Variants in ABHD16B observed in about 807,000 individuals in gnomAD.
ABHD16B encodes the protein abhydrolase domain containing 16B.
A neutral mutation model predicts 10.5 loss-of-function variants in ABHD16B; 14 were observed. The ratio of observed to expected loss-of-function variants is 1.33; its 90% CI spans 0.88 to 2.08. The LOEUF (loss-of-function observed/expected upper bound fraction) is 2.08. ABHD16B is among the 30% of genes most tolerant of loss of function. The pLI is 0.00. For synonymous variants in ABHD16B, 374 were observed against 337.9 expected, an observed-to-expected ratio of 1.11 and a Z score of -1.17; for missense variants, 763 against 717.4, an observed-to-expected ratio of 1.06 and a Z score of -0.73.
Position 63,862,786 on chromosome 20 carries a change from G to C in ABHD16B, c.1246G>C (p.Gly416Arg). 1 of 1,533,578 alleles carries C rather than the reference G, an allele frequency of 6.5e-7. No individual in the cohort carries two copies. The highest frequency in any genetic ancestry group is 8.7e-7 in the Non-Finnish European group (1 of 1,144,304). 95.0% of individuals were successfully genotyped at this position (1,533,578 alleles called of 1,614,324 possible). ...GGAGCTGGAGGGCGAGGAGGCCCTG[G>C]GGCCACACGGACCCGCCTTCCCATG... The part of the protein sequence containing the change: ...EEELEGEEAL[G>R]PHGPAFPWLV... Residue 416 changes from glycine (G) to arginine (R), a missense_variant, in exon 1 of 1, where the codon GGG (glycine) becomes CGG (arginine). Physicochemically the swap from Gly to Arg is moderately radical, Grantham distance 125. Transcript: ENST00000369916. The surrounding 1 kb of genome is among the most constrained non-coding windows in gnomAD (Gnocchi z 7.5).
Position 63,861,695 on chromosome 20 carries a change from G to C in ABHD16B, c.155G>C (p.Cys52Ser). 1.3e-6 allele frequency: 2 copies of C among 1,489,480 alleles called. No homozygotes were observed. The highest frequency in any genetic ancestry group is 1.8e-6 in the Non-Finnish European group (2 of 1,127,054). The allele number at this position is 1,489,480 out of a possible 1,614,324, so 92.3% of individuals were successfully genotyped here. The part of the protein sequence containing the change: ...GRSSSHRALT[C>S]AAAAAGVWLL... Reference sequence around the variant, plus strand: ...AGCAGCAGCCACCGGGCGCTGACCTGCGCGGCAGCCGCGGCGGGCGTGTGG... The same window carrying C: ...AGCAGCAGCCACCGGGCGCTGACCTCCGCGGCAGCCGCGGCGGGCGTGTGG... Residue 52 changes from cysteine to serine, a missense_variant, in exon 1 of 1, where the codon TGC becomes TCC. By Grantham distance (112) the Cys-to-Ser change is moderately radical. Transcript: ENST00000369916. This position sits in a 1 kb window ranked among gnomAD's most constrained non-coding sequence, Gnocchi z 5.4.
chr20:63,862,150 C>T lies in ABHD16B; in HGVS notation c.610C>T (p.His204Tyr), dbSNP rs1199278047. 2.5e-6 allele frequency: 4 copies of T among 1,611,610 alleles called. No homozygotes were observed. The highest frequency in any genetic ancestry group is 3.4e-6 in the Non-Finnish European group (4 of 1,179,666). ...EAGYSVLGWN[H>Y]PGFGSSTGVP... ...CGGCTACTCCGTGCTGGGCTGGAACCACCCCGGCTTCGGCAGCAGCACTGG... is the reference window on the plus strand; with the variant it reads ...CGGCTACTCCGTGCTGGGCTGGAACTACCCCGGCTTCGGCAGCAGCACTGG... Residue 204 changes from histidine to tyrosine, a missense_variant, in exon 1 of 1, where the codon CAC becomes TAC. Coordinates refer to ENST00000369916, the MANE Select transcript of ABHD16B (RefSeq NM_080622.4). The surrounding 1 kb of genome is among the most constrained non-coding windows in gnomAD (Gnocchi z 7.5).
rs982858675 is a variant in ABHD16B at position 63,862,690 on chromosome 20, T to C, written c.1150T>C (p.Tyr384His). ...CAGCTTGGCGCAGGAGGCCGCCTTC[T>C]ATGCACGCTACCGCGTGGACGAGGA... Reference protein sequence around the residue: ...AGSLAQEAAFYARYRVDEDWC... With the variant: ...AGSLAQEAAFHARYRVDEDWC... Residue 384 changes from tyrosine (Y) to histidine (H), a missense_variant, in exon 1 of 1, where the codon TAT (tyrosine) becomes CAT (histidine). Physicochemically the swap from Tyr to His is moderately conservative, Grantham distance 83. Coordinates refer to ENST00000369916, the MANE Select transcript of ABHD16B (RefSeq NM_080622.4). The surrounding 1 kb of genome is among the most constrained non-coding windows in gnomAD (Gnocchi z 7.5). 4 of 1,535,010 alleles carry C rather than the reference T, an allele frequency of 2.6e-6. No homozygotes were observed. In the Admixed American group the frequency reaches 7.9e-5, roughly 30 times the overall value.
rs369503558 is a variant in ABHD16B, at chr20:63,862,298, C to G, written c.758C>G (p.Ala253Gly). 2.5e-6 allele frequency: 4 copies of G among 1,611,652 alleles called. No individual in the cohort carries two copies. In the African/African-American group the frequency reaches 5.3e-5, roughly 22 times the overall value. Residue 253 changes from alanine to glycine, a missense_variant, in exon 1 of 1, where the codon GCC becomes GGC. By Grantham distance (60) the Ala-to-Gly change is moderately conservative. Coordinates refer to ENST00000369916, the MANE Select transcript of ABHD16B (RefSeq NM_080622.4). This position sits in a 1 kb window ranked among gnomAD's most constrained non-coding sequence, Gnocchi z 7.5. The part of the protein sequence containing the change: ...VYGWSVGGFT[A>G]TWATMTYPEL... ...GGCTGGTCTGTTGGCGGCTTCACGG[C>G]CACCTGGGCCACCATGACCTACCCG... is the stretch of plus-strand genomic sequence containing the variant.
rs1365493840 is a variant in ABHD16B at position 63,861,656 on chromosome 20, G to A, written c.116G>A (p.Arg39His). ...WPVAFRWDDVRAVGRSSSHRA... is the reference protein window; with the variant it reads ...WPVAFRWDDVHAVGRSSSHRA... ...GTGGCCTTCCGCTGGGATGACGTGC[G>A]CGCCGTGGGCCGGAGCAGCAGCCAC... Residue 39 changes from arginine to histidine, a missense_variant, in exon 1 of 1, where the codon CGC (arginine) becomes CAC (histidine). By Grantham distance (29) the Arg-to-His change is conservative. Transcript: ENST00000369916. The surrounding 1 kb of genome is among the most constrained non-coding windows in gnomAD (Gnocchi z 5.4). 2 of 1,540,662 alleles carry A rather than the reference G, an allele frequency of 1.3e-6. No homozygotes were observed. The highest frequency in any genetic ancestry group is 1.4e-5 in the African/African-American group (1 of 72,868).
rs750156703 is a variant in ABHD16B, at chr20:63,862,919, C to T, written c.1379C>T (p.Pro460Leu). ...VEATHFSPLE[P>L]EEFQLPWRL ...GCGACTCACTTCAGCCCTCTGGAGC[C>T]TGAGGAGTTTCAGTTGCCCTGGCGG... Residue 460 changes from proline to leucine, a missense_variant, in exon 1 of 1, where the codon CCT becomes CTT. Coordinates refer to ENST00000369916, the MANE Select transcript of ABHD16B (RefSeq NM_080622.4). The surrounding 1 kb of genome is among the most constrained non-coding windows in gnomAD (Gnocchi z 7.5). The T allele has an allele frequency of 1.3e-6, 2 of 1,500,788 alleles. No individual in the cohort carries two copies. The highest frequency in any genetic ancestry group is 2.5e-5 in the East Asian group (1 of 39,874). 93.0% of individuals were successfully genotyped at this position (1,500,788 alleles called of 1,614,324 possible). A position where few individuals can be genotyped will look rare whatever the true frequency, so the allele number is the denominator to read the frequency against.
Position 63,861,879 on chromosome 20 carries a change from C to G in ABHD16B, c.339C>G (p.Pro113=), listed in dbSNP as rs775337797. 4.1e-5 allele frequency: 65 copies of G among 1,575,526 alleles called. No homozygotes were observed. Among genetic ancestry groups the G allele is most frequent in the Non-Finnish European group, 5.5e-5 (64 of 1,167,970 alleles). Reference sequence around the variant, plus strand: ...CGCTGGGCCGCTGGCTCGTGTACCCCGGCTCCGTGTCCCTGATGACGCGCG... The same window carrying G: ...CGCTGGGCCGCTGGCTCGTGTACCCGGGCTCCGTGTCCCTGATGACGCGCG... ...AHSLGRWLVY[P]GSVSLMTRAL... is the part of the protein sequence containing the mutation. The change falls in exon 1 of 1, where the codon CCC becomes CCG. Residue 113 remains proline, a synonymous_variant. Transcript: ENST00000369916. The surrounding 1 kb of genome is among the most constrained non-coding windows in gnomAD (Gnocchi z 5.4).
Position 63,861,707 on chromosome 20 carries a change from C to T in ABHD16B, c.167C>T (p.Ala56Val). ...SHRALTCAAA[A>V]AGVWLLRDET... ...CGGGCGCTGACCTGCGCGGCAGCCGCGGCGGGCGTGTGGTTGCTGCGGGAC... is the reference window on the plus strand; with the variant it reads ...CGGGCGCTGACCTGCGCGGCAGCCGTGGCGGGCGTGTGGTTGCTGCGGGAC... Residue 56 changes from alanine to valine, a missense_variant, in exon 1 of 1, where the codon GCG becomes GTG. By Grantham distance (64) the Ala-to-Val change is moderately conservative (BLOSUM62 0). Transcript: ENST00000369916. This position sits in a 1 kb window ranked among gnomAD's most constrained non-coding sequence, Gnocchi z 5.4. The T allele has an allele frequency of 2.0e-6, 3 of 1,464,092 alleles. No individual in the cohort carries two copies. The highest frequency in any genetic ancestry group is 2.8e-5 in the East Asian group (1 of 35,504). 90.7% of individuals were successfully genotyped at this position (1,464,092 alleles called of 1,614,324 possible). A position where few individuals can be genotyped will look rare whatever the true frequency, so the allele number is the denominator to read the frequency against.
chr20:63,862,301 C>T lies in ABHD16B; in HGVS notation c.761C>T (p.Thr254Ile). ...TGGTCTGTTGGCGGCTTCACGGCCA[C>T]CTGGGCCACCATGACCTACCCGGAG... Reference protein sequence around the residue: ...YGWSVGGFTATWATMTYPELG... With the variant: ...YGWSVGGFTAIWATMTYPELG... The change falls in exon 1 of 1, where the codon ACC becomes ATC. Residue 254 changes from threonine to isoleucine, a missense_variant. Thr to Ile is a moderately conservative substitution (Grantham distance 89). Transcript: ENST00000369916. The surrounding 1 kb of genome is among the most constrained non-coding windows in gnomAD (Gnocchi z 7.5). 1 of 1,612,054 alleles carries T rather than the reference C, an allele frequency of 6.2e-7. No individual in the cohort carries two copies. Among genetic ancestry groups the T allele is most frequent in the Non-Finnish European group, 8.5e-7 (1 of 1,179,714 alleles).
At position 63,862,089 on chromosome 20, in the gene ABHD16B, C is replaced by T; in HGVS notation, c.549C>T (p.Phe183=). The T allele has an allele frequency of 6.2e-7, 1 of 1,611,864 alleles. No homozygotes were observed. Among genetic ancestry groups the T allele is most frequent in the Non-Finnish European group, 8.5e-7 (1 of 1,179,716 alleles). Residue 183 remains phenylalanine (F), a synonymous_variant, in exon 1 of 1, where the codon TTC becomes TTT. Coordinates refer to ENST00000369916, the MANE Select transcript of ABHD16B (RefSeq NM_080622.4). This position sits in a 1 kb window ranked among gnomAD's most constrained non-coding sequence, Gnocchi z 7.5. ...LVICCEGNAG[F]YEMGCLSAPL... ...TCTGCTGCGAAGGCAACGCGGGCTT[C>T]TACGAGATGGGCTGTCTGTCTGCAC...
At position 63,861,788 on chromosome 20, in the gene ABHD16B, C is replaced by A. The variant is rs766621180; in HGVS notation, c.248C>A (p.Ala83Glu). ...GRPPRGARSQ[A>E]QCLLQQLREL... ...CCTCCACGTGGGGCGCGCAGCCAGG[C>A]GCAGTGCCTCTTGCAGCAGCTCCGC... The change falls in exon 1 of 1, where the codon GCG becomes GAG. Residue 83 changes from alanine (A) to glutamate (E), a missense_variant. Transcript: ENST00000369916. This position sits in a 1 kb window ranked among gnomAD's most constrained non-coding sequence, Gnocchi z 5.4. The A allele has an allele frequency of 2.7e-6, 4 of 1,462,434 alleles. No homozygotes were observed. The highest frequency in any genetic ancestry group is 2.2e-4 in the Middle Eastern group (1 of 4,506). 90.6% of individuals were successfully genotyped at this position (1,462,434 alleles called of 1,614,324 possible). A position where few individuals can be genotyped will look rare whatever the true frequency, so the allele number is the denominator to read the frequency against.
Position 63,862,840 on chromosome 20 carries a change from C to T in ABHD16B, c.1300C>T (p.Arg434Trp), listed in dbSNP as rs892236559. The T allele has an allele frequency of 2.3e-5, 36 of 1,535,014 alleles. No individual in the cohort carries two copies. The highest frequency in any genetic ancestry group is 3.9e-5 in the Admixed American group (2 of 50,684). Reference protein sequence around the residue: ...WLVGQGLSSRRRRRLALFLAR... With the variant: ...WLVGQGLSSRWRRRLALFLAR... ...GGTGGGCCAGGGCCTGAGCTCGCGGCGGCGCCGGCGCCTCGCACTGTTCCT... is the reference window on the plus strand; with the variant it reads ...GGTGGGCCAGGGCCTGAGCTCGCGGTGGCGCCGGCGCCTCGCACTGTTCCT... The change falls in exon 1 of 1, where the codon CGG becomes TGG. Residue 434 changes from arginine (R) to tryptophan (W), a missense_variant. Physicochemically the swap from Arg to Trp is moderately radical, Grantham distance 101 (BLOSUM62 -3). Coordinates refer to ENST00000369916, the MANE Select transcript of ABHD16B (RefSeq NM_080622.4). The surrounding 1 kb of genome is among the most constrained non-coding windows in gnomAD (Gnocchi z 7.5).
rs763173099 is a variant in ABHD16B, at chr20:63,862,525, G to A, written c.985G>A (p.Gly329Ser). 1.9e-6 allele frequency: 3 copies of A among 1,568,914 alleles called. No homozygotes were observed. The highest frequency in any genetic ancestry group is 2.6e-6 in the Non-Finnish European group (3 of 1,163,034). ...GCAGGATGACGTGGTCAGCACTTCG[G>A]GCCGCCTGCGCCCCCTGTCACCTGG... is the stretch of plus-strand genomic sequence containing the variant. ...RTQDDVVSTS[G>S]RLRPLSPGDV... Residue 329 changes from glycine to serine, a missense_variant, in exon 1 of 1, where the codon GGC (glycine) becomes AGC (serine). Gly to Ser is a moderately conservative substitution (Grantham distance 56, BLOSUM62 0). Coordinates refer to ENST00000369916, the MANE Select transcript of ABHD16B (RefSeq NM_080622.4). This position sits in a 1 kb window ranked among gnomAD's most constrained non-coding sequence, Gnocchi z 7.5.
At position 63,862,112 on chromosome 20, in the gene ABHD16B, C is replaced by T. The variant is rs773524271; in HGVS notation, c.572C>T (p.Ala191Val). Reference protein sequence around the residue: ...AGFYEMGCLSAPLEAGYSVLG... With the variant: ...AGFYEMGCLSVPLEAGYSVLG... ...TTCTACGAGATGGGCTGTCTGTCTGCACCGCTCGAGGCCGGCTACTCCGTG... is the reference window on the plus strand; with the variant it reads ...TTCTACGAGATGGGCTGTCTGTCTGTACCGCTCGAGGCCGGCTACTCCGTG... The change falls in exon 1 of 1, where the codon GCA (alanine) becomes GTA (valine). Residue 191 changes from alanine (A) to valine (V), a missense_variant. Physicochemically the swap from Ala to Val is moderately conservative, Grantham distance 64. Coordinates refer to ENST00000369916, the MANE Select transcript of ABHD16B (RefSeq NM_080622.4). This position sits in a 1 kb window ranked among gnomAD's most constrained non-coding sequence, Gnocchi z 7.5. The T allele has an allele frequency of 3.1e-6, 5 of 1,611,988 alleles. No individual in the cohort carries two copies. Among genetic ancestry groups the T allele is most frequent in the Non-Finnish European group, 8.5e-7 (1 of 1,179,716 alleles).
Position 63,862,934 on chromosome 20 carries a change from T to G in ABHD16B, c.1394T>G (p.Leu465Trp). Residue 465 changes from leucine to tryptophan, a missense_variant, in exon 1 of 1, where the codon TTG (leucine) becomes TGG (tryptophan). Physicochemically the swap from Leu to Trp is moderately conservative, Grantham distance 61. Coordinates refer to ENST00000369916, the MANE Select transcript of ABHD16B (RefSeq NM_080622.4). This position sits in a 1 kb window ranked among gnomAD's most constrained non-coding sequence, Gnocchi z 7.5. The part of the protein sequence containing the change: ...FSPLEPEEFQ[L>W]PWRL Reference sequence around the variant, plus strand: ...CCTCTGGAGCCTGAGGAGTTTCAGTTGCCCTGGCGGCTGTAACCTATATGC... The same window carrying G: ...CCTCTGGAGCCTGAGGAGTTTCAGTGGCCCTGGCGGCTGTAACCTATATGC... 2 of 1,477,820 alleles carry G rather than the reference T, an allele frequency of 1.4e-6. No individual in the cohort carries two copies. The highest frequency in any genetic ancestry group is 1.8e-6 in the Non-Finnish European group (2 of 1,112,848). 91.5% of individuals were successfully genotyped at this position (1,477,820 alleles called of 1,614,324 possible).
At position 63,862,350 on chromosome 20, in the gene ABHD16B, C is replaced by A; in HGVS notation, c.810C>A (p.Ala270=). Reference sequence around the variant, plus strand: ...AGCTGGGTGCACTGGTGCTGGACGCCACCTTCGACGACCTTGTGCCGCTGG... The same window carrying A: ...AGCTGGGTGCACTGGTGCTGGACGCAACCTTCGACGACCTTGTGCCGCTGG... ...YPELGALVLD[A]TFDDLVPLAL... Residue 270 remains alanine, a synonymous_variant, in exon 1 of 1, where the codon GCC becomes GCA. Coordinates refer to ENST00000369916, the MANE Select transcript of ABHD16B (RefSeq NM_080622.4). The surrounding 1 kb of genome is among the most constrained non-coding windows in gnomAD (Gnocchi z 7.5). 1 of 1,612,034 alleles carries A rather than the reference C, an allele frequency of 6.2e-7. No homozygotes were observed. The highest frequency in any genetic ancestry group is 8.5e-7 in the Non-Finnish European group (1 of 1,179,636).
rs1308974940 is a variant in ABHD16B at position 63,862,287 on chromosome 20, C to T, written c.747C>T (p.Gly249=). The change falls in exon 1 of 1, where the codon GGC becomes GGT. Residue 249 remains glycine (G), a synonymous_variant. Transcript: ENST00000369916. The surrounding 1 kb of genome is among the most constrained non-coding windows in gnomAD (Gnocchi z 7.5). ...AHLVVYGWSV[G]GFTATWATMT... is the part of the protein sequence containing the mutation. Reference sequence around the variant, plus strand: ...TGGTGGTCTACGGCTGGTCTGTTGGCGGCTTCACGGCCACCTGGGCCACCA... The same window carrying T: ...TGGTGGTCTACGGCTGGTCTGTTGGTGGCTTCACGGCCACCTGGGCCACCA... 4 of 1,611,168 alleles carry T rather than the reference C, an allele frequency of 2.5e-6. No individual in the cohort carries two copies. The highest frequency in any genetic ancestry group is 1.3e-5 in the African/African-American group (1 of 74,888).
chr20:63,862,629 G>C lies in ABHD16B; in HGVS notation c.1089G>C (p.Glu363Asp). 1.3e-6 allele frequency: 2 copies of C among 1,541,728 alleles called. No homozygotes were observed. Among genetic ancestry groups the C allele is most frequent in the Non-Finnish European group, 1.7e-6 (2 of 1,148,766 alleles). ...GCTACCCCGTCGTGATGGCGCGAGA[G>C]GGCCGCGCCGTCGTCACCCGCTGGC... ...EHRYPVVMAR[E>D]GRAVVTRWLR... The change falls in exon 1 of 1, where the codon GAG becomes GAC. Residue 363 changes from glutamate to aspartate, a missense_variant. Glu to Asp is a conservative substitution (Grantham distance 45). Coordinates refer to ENST00000369916, the MANE Select transcript of ABHD16B (RefSeq NM_080622.4). This position sits in a 1 kb window ranked among gnomAD's most constrained non-coding sequence, Gnocchi z 7.5.
rs780964298 is a variant in ABHD16B, at chr20:63,862,062, C to T, written c.522C>T (p.Val174=). The T allele has an allele frequency of 3.7e-6, 6 of 1,610,984 alleles. No homozygotes were observed. In the South Asian group the frequency reaches 4.4e-5, roughly 12 times the overall value. ...GCCACGTGCACGGGCCGCGCCTCGTCATCTGCTGCGAAGGCAACGCGGGCT... is the reference window on the plus strand; with the variant it reads ...GCCACGTGCACGGGCCGCGCCTCGTTATCTGCTGCGAAGGCAACGCGGGCT... ...PGSHVHGPRL[V]ICCEGNAGFY... Residue 174 remains valine, a synonymous_variant, in exon 1 of 1, where the codon GTC becomes GTT. Transcript: ENST00000369916. This position sits in a 1 kb window ranked among gnomAD's most constrained non-coding sequence, Gnocchi z 7.5.
Sources: gnomAD v4.1 joint callset for allele counts on GRCh38, gnomAD v4.1.1 for gene constraint, Gnocchi (gnomAD v3.1) non-coding constraint, MANE v1.5 for transcripts, NCBI Gene and HGNC (gene_info 2026-07-23, HGNC 2026-07-21) for gene names.